DCC: variants seen among roughly 807,000 people sequenced by gnomAD.
DCC encodes the protein DCC netrin 1 receptor.
DCC carries 58 observed loss-of-function variants against 172.5 expected under a neutral mutation model. The ratio of observed to expected loss-of-function variants is 0.34; its 90% CI spans 0.27 to 0.42. The LOEUF is 0.42. Among genes scored for constraint, DCC ranks in the 10% least tolerant of loss-of-function variants. The probability of loss-of-function intolerance (pLI) is 1.00; values close to 1 mark genes in which losing one functional copy is unlikely to be tolerated. For synonymous variants in DCC, 709 were observed against 644.5 expected (o/e 1.10, Z -1.52); for missense variants, 1,740 against 1,791.0 (o/e 0.97, Z 0.51).
chr18:52,519,674 T>G (rs1371925405), intron 1 of DCC, among the ~76,000 whole-genome samples: 2 of 152,160 alleles, frequency 1.3e-5, no homozygotes, highest in African/African-American at 2.4e-5. Flanking sequence ...TTTGCAGGTT[T>G]ATAAAGTGGA....
chr18:53,018,677 T>C (rs550439957), intron 5 of DCC, among the ~76,000 whole-genome samples: 36 of 152,292 alleles, frequency 2.4e-4, no homozygotes, highest in South Asian at 1.5e-3. Flanking sequence ...GAGCATTTCA[T>C]GTTGAAAATT....
chr18:52,561,412 C>CAT (rs946256475), intron 1 of DCC, among the ~76,000 whole-genome samples: 6 of 151,178 alleles, frequency 4.0e-5, no homozygotes, highest in East Asian at 3.9e-4. Context: ...TAAATATATA[C>CAT]ATATATATAT....
At position 52,914,895 on chromosome 18, in the gene DCC, C is replaced by T. The variant is rs565103012; in HGVS notation, c.697+8567C>T. ...GCCTGGGAAGAAATCAAAGAAAATA[C>T]CCCACAGTAGCCTGCAGTGCCCTTT... On this transcript the variant is annotated intron_variant, in intron 3 of 28. Transcript: ENST00000442544. 6.3e-4 allele frequency among the ~76,000 whole-genome samples: 96 copies of T among 152,182 alleles called. 1 individual carries two copies. Among genetic ancestry groups the T allele is most frequent in the Admixed American group, 2.2e-3 (33 of 15,260 alleles).
At chr18:53,041,876 C>G (rs777843397) in intron 5 of DCC, among the ~76,000 whole-genome samples, 1 of 151,902 alleles carries the variant, frequency 6.6e-6, no homozygotes. Context: ...GAGACTTTCC[C>G]GAAGTTGCTT....
chr18:53,074,418 G>A (rs922099996), intron 7 of DCC, among the ~76,000 whole-genome samples: 1 of 152,136 alleles, frequency 6.6e-6, no homozygotes, highest in Non-Finnish European at 1.5e-5. Context: ...ACATATTGCA[G>A]TGATATTATA....
At chr18:52,768,977 C>T (rs1268073757) in intron 2 of DCC, among the ~76,000 whole-genome samples, 1 of 152,114 alleles carries the variant, frequency 6.6e-6, no homozygotes, top group East Asian at 1.9e-4. Flanking sequence ...CATGGCTTCC[C>T]AAAAGGATCA....
At chr18:53,013,026 C>T (rs1320705274) in intron 5 of DCC, among the ~76,000 whole-genome samples, 3 of 152,084 alleles carry the variant, frequency 2.0e-5, no homozygotes, top group African/African-American at 7.2e-5. Context: ...AATGAGATAC[C>T]ATTTCATACC....
At chr18:52,871,747 CAG>C (rs1210903257) in intron 2 of DCC, among the ~76,000 whole-genome samples, 1 of 152,102 alleles carries the variant, frequency 6.6e-6, no homozygotes, top group African/African-American at 2.4e-5. Context: ...CAAAACAACA[CAG>C]AAAGACAAAG....
chr18:52,532,235 CA>C (rs1181025166), intron 1 of DCC, among the ~76,000 whole-genome samples: 3 of 151,896 alleles, frequency 2.0e-5, no homozygotes, highest in Non-Finnish European at 4.4e-5. Flanking sequence ...AAAAAAAGTT[CA>C]AAAAAAGCAT....
At chr18:52,966,886 G>T (rs1490795285) in intron 5 of DCC, among the ~76,000 whole-genome samples, 2 of 152,164 alleles carry the variant, frequency 1.3e-5, no homozygotes, top group African/African-American at 4.8e-5. Flanking sequence ...ATTTTGCTTT[G>T]TAATAGGCTT....
intron 1 of DCC, among the ~76,000 whole-genome samples, chr18:52,410,692 C>T (rs1986814768): frequency 6.6e-6 from 1 of 152,132 alleles, no homozygotes. Context: ...CTAAAATGCT[C>T]TGTTCATTCA....
intron 26 of DCC, among the ~76,000 whole-genome samples, chr18:53,497,664 G>A (rs2046041169): frequency 6.6e-6 from 1 of 152,168 alleles, no homozygotes; most frequent in African/African-American, 2.4e-5. Context: ...GCACACAAGT[G>A]TTTCTCTCCC....
At chr18:52,814,438 ACCT>A (rs1282508646) in intron 2 of DCC, among the ~76,000 whole-genome samples, 10 of 152,050 alleles carry the variant, frequency 6.6e-5, no homozygotes, top group African/African-American at 2.4e-4. Flanking sequence ...GAACTCTGAC[ACCT>A]CCTCTTTCAG....
chr18:52,704,799 C>CA (rs1378898014), intron 1 of DCC, among the ~76,000 whole-genome samples: 1 of 152,106 alleles, frequency 6.6e-6, no homozygotes, highest in Non-Finnish European at 1.5e-5. Context: ...GATGCCTTTT[C>CA]AACTTTTGTA....
chr18:53,485,118 T>C (rs1012920042), intron 25 of DCC, among the ~76,000 whole-genome samples: 4 of 152,004 alleles, frequency 2.6e-5, no homozygotes. Context: ...ATTAGGGATT[T>C]TTGTTAAATA....
intron 5 of DCC, among the ~76,000 whole-genome samples, chr18:53,050,649 G>A (rs2042321830): frequency 3.3e-5 from 5 of 152,072 alleles, no homozygotes. Context: ...TGCTGAAGTT[G>A]TTTATCAGAT....
chr18:52,636,672 C>A (rs1020860930), intron 1 of DCC, among the ~76,000 whole-genome samples: 5 of 152,124 alleles, frequency 3.3e-5, no homozygotes, highest in Admixed American at 6.5e-5. Context: ...GCAAGACCCA[C>A]CCCAGAGAGT....
chr18:52,848,386 C>T (rs118139608), intron 2 of DCC, among the ~76,000 whole-genome samples: 3,173 of 152,092 alleles, frequency 0.021, 58 homozygotes, highest in Admixed American at 0.04. Context: ...CATGCCCGGC[C>T]GACTTTTCTA....
intron 5 of DCC, among the ~76,000 whole-genome samples, chr18:53,030,996 C>A (rs923878634): frequency 2.0e-5 from 3 of 152,150 alleles, no homozygotes; most frequent in Admixed American, 1.3e-4. Context: ...GGGTGGCTCA[C>A]GCCTATAATC....
Sources: allele counts gnomAD v4.1 joint callset (sites outside exome capture counted in the v4.1 genomes callset), GRCh38; gene constraint gnomAD v4.1.1; transcripts MANE v1.5; gene names NCBI Gene and HGNC (gene_info 2026-07-23, HGNC 2026-07-21).